The following RRM2 variants were observed in gnomAD, a reference collection of about 807,000 sequenced individuals.
The protein encoded by RRM2 is ribonucleotide reductase regulatory subunit M2.
RRM2 carries 6 observed loss-of-function variants against 45.9 expected under a neutral mutation model. That is an observed-to-expected ratio of 0.13 (90% CI 0.07 to 0.26). The LOEUF (loss-of-function observed/expected upper bound fraction) is 0.26. Among genes scored for constraint, RRM2 ranks in the 10% least tolerant of loss-of-function variants. The pLI is 1.00. For missense variants in RRM2, 343 were observed against 489.5 expected (o/e 0.70, Z 2.82); for synonymous variants, 177 against 173.0 (o/e 1.02, Z -0.18).
intron 3 of RRM2, among the ~76,000 whole-genome samples, chr2:10,161,875 C>T (rs1194569564): frequency 6.6e-6 from 1 of 152,218 alleles, no homozygotes; most frequent in African/African-American, 2.4e-5. Flanking sequence ...TGCACTTCCA[C>T]TGCTCTGACT....
intron 3 of RRM2, among the ~76,000 whole-genome samples, chr2:10,187,680 T>C (rs1338558071): frequency 6.6e-6 from 1 of 152,136 alleles, no homozygotes; most frequent in African/African-American, 2.4e-5. Context: ...AAAACAGGGA[T>C]TGTGGTGCCT....
intron 3 of RRM2, among the ~76,000 whole-genome samples, chr2:10,203,001 A>T (rs1020534106): frequency 6.6e-6 from 1 of 152,230 alleles, no homozygotes; most frequent in Non-Finnish European, 1.5e-5. Flanking sequence ...TGCTGGAGAA[A>T]GAACAGTGAG....
At chr2:10,137,159 GC>G (rs1194132568), upstream of RRM2, among the ~76,000 whole-genome samples, 1 of 152,198 alleles carries the variant, frequency 6.6e-6, no homozygotes, top group Non-Finnish European at 1.5e-5. Flanking sequence ...AGAGATGATT[GC>G]CCCCATTTTA....
At chr2:10,143,326 A>G (rs2125312565) in intron 3 of RRM2, among the ~76,000 whole-genome samples, 1 of 152,218 alleles carries the variant, frequency 6.6e-6, no homozygotes, top group East Asian at 1.9e-4. Flanking sequence ...AGACCCAGTG[A>G]GGCCAGATTA....
At chr2:10,200,453 A>G (rs377233091) in intron 3 of RRM2, among the ~76,000 whole-genome samples, 1 of 125,846 alleles carries the variant, frequency 7.9e-6, no homozygotes, top group Admixed American at 8.1e-5. Flanking sequence ...TATGAGGCCC[A>G]CAGGGACCGC....
At chr2:10,196,463 C>T (rs960611306) in intron 3 of RRM2, among the ~76,000 whole-genome samples, 1 of 152,226 alleles carries the variant, frequency 6.6e-6, no homozygotes, top group Admixed American at 6.5e-5. Flanking sequence ...GCAGCCGGCA[C>T]TGCCTGGCAG....
chr2:10,182,306 C>A (rs768609337), intron 3 of RRM2, among the ~76,000 whole-genome samples: 10 of 151,894 alleles, frequency 6.6e-5, no homozygotes, highest in African/African-American at 9.7e-5. Context: ...CCACTGCACT[C>A]CAGCCTAGCA....
intron 3 of RRM2, among the ~76,000 whole-genome samples, chr2:10,174,062 G>A (rs953256111): frequency 6.6e-6 from 1 of 152,180 alleles, no homozygotes; most frequent in Non-Finnish European, 1.5e-5. Context: ...GGTTAAATGA[G>A]GTCGTATGGG....
At chr2:10,140,711 T>G (rs1663063898), upstream of RRM2, among the ~76,000 whole-genome samples, 1 of 152,174 alleles carries the variant, frequency 6.6e-6, no homozygotes, top group Admixed American at 6.5e-5. Flanking sequence ...GTCATAAAAA[T>G]GTGTACATAT....
intron 3 of RRM2, among the ~76,000 whole-genome samples, chr2:10,184,636 C>G (rs1664126923): frequency 6.6e-6 from 1 of 152,246 alleles, no homozygotes; most frequent in Non-Finnish European, 1.5e-5. Flanking sequence ...TGCCTCCCGG[C>G]CCCTTGTTCT....
chr2:10,166,897 G>A (rs994581496), intron 3 of RRM2, among the ~76,000 whole-genome samples: 2 of 152,228 alleles, frequency 1.3e-5, no homozygotes, highest in South Asian at 2.1e-4. Context: ...GGGGTTGGGA[G>A]CGTGGCAATG....
At chr2:10,165,999 C>A (rs1334395829) in intron 3 of RRM2, among the ~76,000 whole-genome samples, 1 of 152,180 alleles carries the variant, frequency 6.6e-6, no homozygotes, top group Non-Finnish European at 1.5e-5. Flanking sequence ...GCAGGAAGGG[C>A]AGCCAGCGGC....
At chr2:10,159,282 G>A (rs1444037225) in intron 3 of RRM2, among the ~76,000 whole-genome samples, 2 of 152,172 alleles carry the variant, frequency 1.3e-5, no homozygotes, top group Non-Finnish European at 2.9e-5. Flanking sequence ...GATGAGCAAA[G>A]CCCCAGAGGG....
intron 3 of RRM2, among the ~76,000 whole-genome samples, chr2:10,197,008 A>G (rs979047482): frequency 6.6e-6 from 1 of 152,070 alleles, no homozygotes; most frequent in African/African-American, 2.4e-5. Context: ...GAGCCAGCTC[A>G]GCTCACCCCA....
chr2:10,124,575 C>A, intron 4 of RRM2, 142 bp from the exon 5 acceptor site: 2 of 896,672 alleles, frequency 2.2e-6, no homozygotes, highest in East Asian at 2.6e-5. Context: ...CATAAAATAT[C>A]AAAGAATTGT....
intron 3 of RRM2, among the ~76,000 whole-genome samples, chr2:10,166,698 T>C (rs974946561): frequency 6.6e-6 from 1 of 152,228 alleles, no homozygotes; most frequent in African/African-American, 2.4e-5. Flanking sequence ...GCCCTCGCCC[T>C]GTTCCCTATG....
chr2:10,146,717 C>T (rs892699480), intron 3 of RRM2, among the ~76,000 whole-genome samples: 1 of 152,136 alleles, frequency 6.6e-6, no homozygotes. Context: ...TGGTAAGCCC[C>T]GGGAAGGGTA....
At position 10,172,807 on chromosome 2, in the gene RRM2, G is replaced by A. The variant is rs1028483971; in HGVS notation, n.482+30432G>A. On this transcript the variant is annotated intron_variant and non_coding_transcript_variant, in intron 3 of 3. Coordinates refer to the RRM2 transcript ENST00000381786. This position sits in a 1 kb window ranked among gnomAD's most constrained non-coding sequence, Gnocchi z 4.9. ...AAAAACAATGAAGAATTTCAAGATG[G>A]TGGCAGCAGAGCCTGAAACCGAGCT... Among the ~76,000 whole-genome samples the A allele has an allele frequency of 6.6e-6, 1 of 152,220 alleles. No homozygotes were observed. Among genetic ancestry groups the A allele is most frequent in the African/African-American group, 2.4e-5 (1 of 41,452 alleles).
intron 3 of RRM2, among the ~76,000 whole-genome samples, chr2:10,182,202 G>A (rs1031611490): frequency 6.6e-6 from 1 of 152,100 alleles, no homozygotes; most frequent in Non-Finnish European, 1.5e-5. Context: ...GCTGGGTGTG[G>A]TGGTACATGT....
Sources: gnomAD v4.1 joint callset for allele counts (sites outside exome capture counted in the v4.1 genomes callset) on GRCh38, gnomAD v4.1.1 for gene constraint, Gnocchi (gnomAD v3.1) non-coding constraint, MANE v1.5 for transcripts, NCBI Gene and HGNC (gene_info 2026-07-23, HGNC 2026-07-21) for gene names.